Variants in UCMA observed in about 807,000 individuals in gnomAD.
The protein encoded by UCMA is upper zone of growth plate and cartilage matrix associated, also known as upper zone of growth plate and cartilage matrix-associated protein.
In UCMA, 21 loss-of-function variants were observed where a neutral mutation model predicts 21.8. The ratio of observed to expected loss-of-function variants is 0.97; its 90% CI spans 0.68 to 1.39. The LOEUF is 1.39. UCMA is among the 40% of genes most tolerant of loss of function. UCMA has a pLI of 0.00. For synonymous variants in UCMA, 76 were observed against 67.9 expected (o/e 1.12, Z -0.58); for missense variants, 193 against 178.9 (o/e 1.08, Z -0.45).
chr10:13,222,051 G>A lies in UCMA; in HGVS notation c.*52C>T, dbSNP rs940859191. 6.2e-5 allele frequency: 99 copies of A among 1,592,468 alleles called. No homozygotes were observed. Among genetic ancestry groups the A allele is most frequent in the Non-Finnish European group, 1.4e-5 (16 of 1,161,052 alleles). ...CATGGGAAAGATTGCTGGAACACGG[G>A]GATGCCAATGGTGCTACAAGCTTTG... On this transcript the variant is annotated 3_prime_UTR_variant, in exon 5 of 5. Coordinates refer to ENST00000378681, the MANE Select transcript of UCMA (RefSeq NM_145314.3).
In UCMA at chr10:13,229,628, A is replaced by G. The variant is rs80070283; in HGVS notation, c.302T>C (p.Val101Ala). 1,033 of 1,613,968 alleles carry G rather than the reference A, an allele frequency of 6.4e-4. 10 individuals carry two copies. In the African/African-American group the frequency reaches 0.012, roughly 19 times the overall value. The change falls in exon 4 of 5, where the codon GTG (valine) becomes GCG (alanine). Residue 101 changes from valine (V) to alanine (A), a missense_variant. By Grantham distance (64) the Val-to-Ala change is moderately conservative. Transcript: ENST00000378681. Reference protein sequence around the residue: ...EEQRNEFENFVEEQNDEQEER... With the variant: ...EEQRNEFENFAEEQNDEQEER... The stretch of plus-strand genomic sequence containing the variant: ...GCTCTTACCATCGTTTTGTTCCTCC[A>G]CGAAGTTCTCAAATTCATTCCTTTG...
chr10:13,228,267 C>T (rs527646497), intron 4 of UCMA, among the ~76,000 whole-genome samples: 6 of 152,136 alleles, frequency 3.9e-5, no homozygotes, highest in Admixed American at 6.6e-5. Context: ...TCGCCACATT[C>T]GCTAGGCTAG....
intron 3 of UCMA, among the ~76,000 whole-genome samples, chr10:13,230,559 A>T (rs4750323): frequency 0.36 from 54,995 of 151,942 alleles, 10,406 homozygotes; most frequent in East Asian, 0.67. Flanking sequence ...ACGCCTCACG[A>T]TCTCACAGTG....
intron 4 of UCMA, among the ~76,000 whole-genome samples, chr10:13,227,531 A>G (rs1010894254): frequency 2.0e-5 from 3 of 152,132 alleles, no homozygotes; most frequent in African/African-American, 7.2e-5. Context: ...CAGCCTGGCC[A>G]ACATAGTAAA....
intron 1 of UCMA, 134 bp downstream of exon 1, chr10:13,234,067 G>T: frequency 1.3e-6 from 1 of 755,184 alleles, no homozygotes; most frequent in Non-Finnish European, 2.1e-6. Flanking sequence ...ACATGCACAC[G>T]ACACACACAT....
At chr10:13,224,083 G>T (rs1428465444) in intron 4 of UCMA, among the ~76,000 whole-genome samples, 1 of 152,168 alleles carries the variant, frequency 6.6e-6, no homozygotes, top group East Asian at 1.9e-4. Context: ...CAGCACTTTG[G>T]GGGGCCAAGC....
chr10:13,232,114 C>A (rs1177990504), intron 3 of UCMA, among the ~76,000 whole-genome samples: 1 of 151,604 alleles, frequency 6.6e-6, no homozygotes, highest in East Asian at 1.9e-4. Flanking sequence ...TGGCTCATGC[C>A]TGTAATCTCA....
At position 13,222,713 on chromosome 10, in the gene UCMA, C is replaced by T. The variant is rs543603222; in HGVS notation, c.320-513G>A. Among the ~76,000 whole-genome samples the T allele has an allele frequency of 5.3e-5, 8 of 151,504 alleles. No individual in the cohort carries two copies. The South Asian group carries it at 1.0e-3, about 20-fold the overall frequency. On this transcript the variant is annotated intron_variant, in intron 4 of 4. Coordinates refer to ENST00000378681, the MANE Select transcript of UCMA (RefSeq NM_145314.3). ...TTTCTTGTTTTGTTTTGTTTTGAGA[C>T]GGGGTCTCAGTCTGTCACCCAGGCT...
chr10:13,221,891 G>A lies in UCMA; in HGVS notation c.*212C>T. 1.7e-6 allele frequency: 1 copy of A among 576,860 alleles called. No individual in the cohort carries two copies. 35.7% of individuals were successfully genotyped at this position (576,860 alleles called of 1,614,324 possible). A position where few individuals can be genotyped will look rare whatever the true frequency, so the allele number is the denominator to read the frequency against. On this transcript the variant is annotated 3_prime_UTR_variant, in exon 5 of 5. Coordinates refer to ENST00000378681, the MANE Select transcript of UCMA (RefSeq NM_145314.3). ...GTACTAGGAGGCCCTGCAGGCAGTT[G>A]CTCACCTCAGAAGATGGTCTGCAAA...
At chr10:13,233,405 C>A in intron 3 of UCMA, 133 bp downstream of exon 3, 1 of 712,996 alleles carries the variant, frequency 1.4e-6, no homozygotes, top group Non-Finnish European at 2.5e-6. Context: ...GCTGCAGTCC[C>A]TTTGATACCC....
intron 4 of UCMA, among the ~76,000 whole-genome samples, chr10:13,225,377 T>C (rs557936270): frequency 5.8e-4 from 75 of 129,016 alleles, no homozygotes; most frequent in Non-Finnish European, 1.1e-3. Context: ...CAGTAACCCT[T>C]AGAATAGGTG....
At chr10:13,229,562 T>G (rs776276988) in intron 4 of UCMA, 49 bp downstream of exon 4, 1 of 1,518,908 alleles carries the variant, frequency 6.6e-7, no homozygotes, top group African/African-American at 1.4e-5. Context: ...CCATGTGATT[T>G]CTCCCCAACG....
At chr10:13,230,617 C>T (rs1161392930) in intron 3 of UCMA, among the ~76,000 whole-genome samples, 1 of 152,044 alleles carries the variant, frequency 6.6e-6, no homozygotes, top group African/African-American at 2.4e-5. Flanking sequence ...TGTTTTTTTG[C>T]CCCATCAACT....
At chr10:13,231,869 C>A (rs368989245) in intron 3 of UCMA, among the ~76,000 whole-genome samples, 5 of 152,268 alleles carry the variant, frequency 3.3e-5, no homozygotes, top group African/African-American at 1.2e-4. Flanking sequence ...GTGTCTGTCA[C>A]CTGCCCTTTA....
chr10:13,232,278 A>T (rs899000497), intron 3 of UCMA, among the ~76,000 whole-genome samples: 1 of 149,888 alleles, frequency 6.7e-6, no homozygotes, highest in Non-Finnish European at 1.5e-5. Flanking sequence ...AGGCTGAAGC[A>T]GGAGTATTAC....
chr10:13,234,322 G>T lies in UCMA; in HGVS notation c.-64C>A. 6.4e-7 allele frequency: 1 copy of T among 1,570,928 alleles called. No homozygotes were observed. The highest frequency in any genetic ancestry group is 8.7e-7 in the Non-Finnish European group (1 of 1,154,168). On this transcript the variant is annotated 5_prime_UTR_variant, in exon 1 of 5. Coordinates refer to ENST00000378681, the MANE Select transcript of UCMA (RefSeq NM_145314.3). Reference sequence around the variant, plus strand: ...CAGACCAGGCGTCCTGCACCCTTTGGGTCCCCACTTCTGAGGCAGGCAGCC... The same window carrying T: ...CAGACCAGGCGTCCTGCACCCTTTGTGTCCCCACTTCTGAGGCAGGCAGCC...
At chr10:13,229,511 AAG>A in intron 4 of UCMA, 98 bp downstream of exon 4, 18 of 1,128,942 alleles carry the variant, frequency 1.6e-5, no homozygotes, top group Non-Finnish European at 2.3e-5. Context: ...GTCTCAAAAA[AAG>A]AAAAAAAAAA....
chr10:13,226,901 A>G (rs752278329), intron 4 of UCMA, among the ~76,000 whole-genome samples: 9 of 152,170 alleles, frequency 5.9e-5, no homozygotes, highest in Non-Finnish European at 1.0e-4. Flanking sequence ...TTTCATCTAC[A>G]TGCTAGAGCT....
intron 4 of UCMA, among the ~76,000 whole-genome samples, chr10:13,227,420 C>T (rs910281781): frequency 6.6e-6 from 1 of 152,100 alleles, no homozygotes; most frequent in Non-Finnish European, 1.5e-5. Flanking sequence ...TGGAGAAAGA[C>T]CAAATAAATA....
Sources: gnomAD v4.1 joint callset for allele counts (sites outside exome capture counted in the v4.1 genomes callset) on GRCh38, gnomAD v4.1.1 for gene constraint, MANE v1.5 for transcripts, NCBI Gene and HGNC (gene_info 2026-07-23, HGNC 2026-07-21) for gene names.